The following DYSF variants were observed in gnomAD, a reference collection of about 807,000 sequenced individuals.
The protein encoded by DYSF is dysferlin.
Under a neutral mutation model 274.9 loss-of-function variants are expected in DYSF, and 212 were observed. That is an observed-to-expected ratio of 0.77 (90% CI 0.69 to 0.86). DYSF has a LOEUF of 0.86. DYSF is among the 40% of genes least tolerant of loss of function. The probability of loss-of-function intolerance (pLI) is 0.00; values close to 1 mark genes in which losing one functional copy is unlikely to be tolerated. For synonymous variants in DYSF, 1,091 were observed against 1,078.7 expected, an observed-to-expected ratio of 1.01 and a Z score of -0.22; for missense variants, 2,666 against 2,783.2, an observed-to-expected ratio of 0.96 and a Z score of 0.95.
intron 30 of DYSF, among the ~76,000 whole-genome samples, chr2:71,581,127 C>A (rs533137054): frequency 8.1e-4 from 124 of 152,292 alleles, no homozygotes; most frequent in African/African-American, 2.6e-3. Context: ...ACCAAGGCAC[C>A]CTGGCGTGGG....
At position 71,514,147 on chromosome 2, in the gene DYSF, T is replaced by TAAAAAAAA. The variant is rs5832057; in HGVS notation, c.759+240_759+247dup. ...CTGCCGAGACCTGTGGTTTTGCGCT[T>TAAAAAAAA]AAAAAAAAAAAAAAAAAAAAAGTCA... On this transcript the variant is annotated intron_variant, in intron 7 of 55. Coordinates refer to ENST00000410020, the MANE Select transcript of DYSF (RefSeq NM_001130987.2). Among the ~76,000 whole-genome samples the TAAAAAAAA allele has an allele frequency of 2.4e-5, 3 of 125,188 alleles. 1 individual carries two copies. Among genetic ancestry groups the TAAAAAAAA allele is most frequent in the Admixed American group, 8.2e-5 (1 of 12,248 alleles). The allele number at this position is 125,188 out of a possible 152,430, so 82.1% of individuals were successfully genotyped here. A position where few individuals can be genotyped will look rare whatever the true frequency, so the allele number is the denominator to read the frequency against.
chr2:71,678,312 A>G (rs1029655390), intron 52 of DYSF, among the ~76,000 whole-genome samples: 14 of 152,208 alleles, frequency 9.2e-5, no homozygotes, highest in African/African-American at 2.7e-4. Context: ...TTCAACCCGT[A>G]TATGCCTAGA....
intron 47 of DYSF, among the ~76,000 whole-genome samples, chr2:71,666,391 C>A (rs1363493927): frequency 6.6e-6 from 1 of 152,228 alleles, no homozygotes; most frequent in East Asian, 1.9e-4. Flanking sequence ...GCCCTGTGTG[C>A]CTTCTGAGGT....
At position 71,611,645 on chromosome 2, in the gene DYSF, C is replaced by G. The variant is rs762574600; in HGVS notation, c.4221+19C>G. On this transcript the variant is annotated intron_variant, in intron 38 of 55. Transcript: ENST00000410020. ...GGAAGTGGTGAGCCCCACCTCCCTA[C>G]TGTCCCCTTCCAGAGTCCTGGGGCT... 6.2e-7 allele frequency: 1 copy of G among 1,611,702 alleles called. No individual in the cohort carries two copies. The highest frequency in any genetic ancestry group is 8.5e-7 in the Non-Finnish European group (1 of 1,179,622).
chr2:71,669,377 AT>A (rs899064883), intron 50 of DYSF, among the ~76,000 whole-genome samples, 170 bp downstream of exon 50: 4 of 152,080 alleles, frequency 2.6e-5, no homozygotes, highest in Admixed American at 2.6e-4. Context: ...CTCCCACCAG[AT>A]TTCTTTTTCT....
rs549155230 is a variant in DYSF at position 71,668,680 on chromosome 2, T to C, written c.5458-74T>C. The C allele has an allele frequency of 2.1e-6, 3 of 1,425,828 alleles. No individual in the cohort carries two copies. The South Asian group carries it at 3.6e-5, about 17-fold the overall frequency. 88.3% of individuals were successfully genotyped at this position (1,425,828 alleles called of 1,614,324 possible). On this transcript the variant is annotated intron_variant, in intron 48 of 55. Transcript: ENST00000410020. ...TTCTCTGTTCTGTGCCCTCAGCATC[T>C]GGCCCAGAGCAGGTGCTTGGTAACA...
intron 30 of DYSF, among the ~76,000 whole-genome samples, chr2:71,582,202 A>G (rs1414816225): frequency 6.6e-6 from 1 of 151,504 alleles, no homozygotes; most frequent in Non-Finnish European, 1.5e-5. Flanking sequence ...TTGTTACAAC[A>G]GCAGCCGAAC....
At chr2:71,636,781 C>G (rs1359654003) in intron 41 of DYSF, among the ~76,000 whole-genome samples, 1 of 152,092 alleles carries the variant, frequency 6.6e-6, no homozygotes, top group Non-Finnish European at 1.5e-5. Flanking sequence ...TGGGCTCAAG[C>G]ACTGAGCCCT....
intron 40 of DYSF, among the ~76,000 whole-genome samples, chr2:71,618,382 AGAGGTGGTGTGTGTGTGTGTGG>A (rs2093980744): frequency 1.9e-4 from 3 of 15,878 alleles, no homozygotes; most frequent in African/African-American, 3.7e-4. Context: ...CATGTGTGGT[AGAGGTGGTGTGTGTGTGTGTGG>A]TAGAGGTGGT....
chr2:71,490,994 G>A (rs546890266), intron 3 of DYSF, among the ~76,000 whole-genome samples: 3 of 152,018 alleles, frequency 2.0e-5, no homozygotes, highest in Admixed American at 6.6e-5. Context: ...TAGATCAAAG[G>A]GTATAAGCAA....
intron 3 of DYSF, among the ~76,000 whole-genome samples, chr2:71,487,008 C>T (rs1471222141): frequency 1.3e-5 from 2 of 152,182 alleles, no homozygotes; most frequent in East Asian, 3.8e-4. Context: ...CCCACTCATG[C>T]CTGAGCCTTG....
intron 17 of DYSF, among the ~76,000 whole-genome samples, chr2:71,543,008 C>A (rs989464249): frequency 1.7e-4 from 25 of 151,282 alleles, no homozygotes; most frequent in African/African-American, 5.4e-4. Context: ...GGCTGCCCCC[C>A]ACCTCCCTCC....
chr2:71,618,412 G>GGCATGTGTGGTAGAGGTGGGGTGT (rs1558639998), intron 40 of DYSF, among the ~76,000 whole-genome samples: 17 of 6,402 alleles, frequency 2.7e-3, no homozygotes, highest in Admixed American at 5.3e-3. Flanking sequence ...TGGTAGAGGT[G>GGCATGTGTGGTAGAGGTGGGGTGT]GTGTGTGTGT....
intron 1 of DYSF, among the ~76,000 whole-genome samples, chr2:71,456,475 C>T (rs1211676082): frequency 6.6e-6 from 1 of 152,192 alleles, no homozygotes; most frequent in Non-Finnish European, 1.5e-5. Context: ...CAGAAGACTT[C>T]GGTCTCAGGG....
chr2:71,526,080 C>G, intron 12 of DYSF, 140 bp from the exon 13 acceptor site: 1 of 1,473,014 alleles, frequency 6.8e-7, no homozygotes, highest in Non-Finnish European at 9.4e-7. Flanking sequence ...CCCGAGACCA[C>G]GCGGTAGTAA....
chr2:71,509,984 G>T (rs2085913061), intron 4 of DYSF, among the ~76,000 whole-genome samples: 1 of 152,106 alleles, frequency 6.6e-6, no homozygotes, highest in African/African-American at 2.4e-5. Context: ...CACCATGTTG[G>T]CCAGGCTGGT....
intron 41 of DYSF, among the ~76,000 whole-genome samples, 157 bp from the exon 42 acceptor site, chr2:71,643,808 A>T (rs184372916): frequency 3.2e-4 from 48 of 152,308 alleles, no homozygotes; most frequent in African/African-American, 1.1e-3. Context: ...TTGCCCCAGG[A>T]GAGGCGGAGG....
chr2:71,557,089 C>T (rs72827544), intron 22 of DYSF, among the ~76,000 whole-genome samples: 3,771 of 152,370 alleles, frequency 0.025, 50 homozygotes, highest in South Asian at 0.06. Flanking sequence ...TTTCCCCCAA[C>T]CTTCCTGAAG....
chr2:71,631,537 C>G (rs2094312569), intron 41 of DYSF, among the ~76,000 whole-genome samples: 1 of 152,156 alleles, frequency 6.6e-6, no homozygotes, highest in Non-Finnish European at 1.5e-5. Flanking sequence ...CTGGACCTTC[C>G]TTTGTGACTC....
Sources: gnomAD v4.1 joint callset for allele counts (sites outside exome capture counted in the v4.1 genomes callset) on GRCh38, gnomAD v4.1.1 for gene constraint, MANE v1.5 for transcripts, NCBI Gene and HGNC (gene_info 2026-07-23, HGNC 2026-07-21) for gene names.